Variants in GALNT13 observed in about 807,000 individuals in gnomAD.
The protein encoded by GALNT13 is polypeptide N-acetylgalactosaminyltransferase 13, also known as UDP-GalNAc:polypeptide N-acetylgalactosaminyltransferase 13.
A neutral mutation model predicts 64.2 loss-of-function variants in GALNT13; 28 were observed. The ratio of observed to expected loss-of-function variants is 0.44; its 90% CI spans 0.32 to 0.60. The LOEUF (loss-of-function observed/expected upper bound fraction) is 0.60. Among genes scored for constraint, GALNT13 ranks in the 20% least tolerant of loss-of-function variants. GALNT13 has a pLI of 0.05. For missense variants in GALNT13, 577 were observed against 669.8 expected, an observed-to-expected ratio of 0.86 and a Z score of 1.53; for synonymous variants, 214 against 224.6, an observed-to-expected ratio of 0.95 and a Z score of 0.42.
intron 4 of GALNT13, among the ~76,000 whole-genome samples, chr2:154,147,527 A>G (rs1286384582): frequency 1.3e-5 from 2 of 151,876 alleles, no homozygotes; most frequent in African/African-American, 4.8e-5. Context: ...AATCAGGCTG[A>G]CACAGAAAGG....
the GALNT13 span, among the ~76,000 whole-genome samples, chr2:153,181,333 T>C: frequency 6.6e-6 from 1 of 150,562 alleles, no homozygotes; most frequent in Non-Finnish European, 1.5e-5. Flanking sequence ...TTATTATTAA[T>C]TTCTAGTTTC....
the GALNT13 span, among the ~76,000 whole-genome samples, chr2:153,772,460 C>G: frequency 2.6e-5 from 4 of 152,170 alleles, no homozygotes; most frequent in Non-Finnish European, 5.9e-5. Context: ...TGGTGCTTCT[C>G]TCACTTTTAT....
At chr2:153,884,785 A>ATGTG (rs1179176058) in intron 1 of GALNT13, among the ~76,000 whole-genome samples, 17 of 122,504 alleles carry the variant, frequency 1.4e-4, no homozygotes, top group African/African-American at 5.9e-4. Flanking sequence ...ATATATATAT[A>ATGTG]TGTGTGTGTA....
chr2:154,003,683 G>A (rs1696062397), intron 3 of GALNT13, among the ~76,000 whole-genome samples: 1 of 152,132 alleles, frequency 6.6e-6, no homozygotes. Flanking sequence ...TGGAGATTGG[G>A]CCTGGTGGCA....
chr2:153,994,549 C>G (rs1695389691), intron 3 of GALNT13, among the ~76,000 whole-genome samples: 1 of 152,146 alleles, frequency 6.6e-6, no homozygotes, highest in Non-Finnish European at 1.5e-5. Flanking sequence ...TAAAAGTGTT[C>G]CTATTCTTCC....
At chr2:153,647,525 C>T in the GALNT13 span, among the ~76,000 whole-genome samples, 1 of 152,144 alleles carries the variant, frequency 6.6e-6, no homozygotes, top group Non-Finnish European at 1.5e-5. Flanking sequence ...GTGTATTAAA[C>T]ATGAAGTCCT....
At chr2:153,493,278 T>C in the GALNT13 span, among the ~76,000 whole-genome samples, 1,422 of 152,072 alleles carry the variant, frequency 9.4e-3, 13 homozygotes, top group African/African-American at 0.033. Context: ...AGATGATCAC[T>C]GTTTCACAGA....
At chr2:154,270,794 G>A (rs1156558193) in intron 8 of GALNT13, among the ~76,000 whole-genome samples, 1 of 151,730 alleles carries the variant, frequency 6.6e-6, no homozygotes, top group African/African-American at 2.4e-5. Flanking sequence ...CCATGTTTTA[G>A]CAAACATCCA....
At chr2:153,771,051 G>A in the GALNT13 span, among the ~76,000 whole-genome samples, 67 of 152,286 alleles carry the variant, frequency 4.4e-4, no homozygotes, top group Admixed American at 1.0e-3. Flanking sequence ...GAACACCACT[G>A]CACTAACATC....
At chr2:154,289,278 T>C (rs1322646306) in intron 8 of GALNT13, among the ~76,000 whole-genome samples, 2 of 152,202 alleles carry the variant, frequency 1.3e-5, no homozygotes, top group African/African-American at 4.8e-5. Flanking sequence ...GGCTGGCCTA[T>C]GAAAAATTTT....
the GALNT13 span, among the ~76,000 whole-genome samples, chr2:153,852,977 G>C: frequency 2.6e-5 from 4 of 152,152 alleles, no homozygotes; most frequent in African/African-American, 9.7e-5. Context: ...GAGCAAGGAA[G>C]TCAGTGTGAG....
At chr2:154,415,866 G>T (rs1039410141) in intron 11 of GALNT13, among the ~76,000 whole-genome samples, 12 of 151,966 alleles carry the variant, frequency 7.9e-5, no homozygotes, top group African/African-American at 2.4e-4. Context: ...TACTAATTTG[G>T]TCCCTTTTTA....
the GALNT13 span, among the ~76,000 whole-genome samples, chr2:153,125,805 G>C: frequency 6.6e-6 from 1 of 152,086 alleles, no homozygotes; most frequent in South Asian, 2.1e-4. Context: ...TGGCATTATT[G>C]AACTTAGAAT....
At chr2:153,876,551 A>G (rs1340823835) in intron 1 of GALNT13, among the ~76,000 whole-genome samples, 1 of 152,122 alleles carries the variant, frequency 6.6e-6, no homozygotes, top group Non-Finnish European at 1.5e-5. Context: ...TGTAAACCAA[A>G]CAGACTTTAA....
At chr2:153,732,491 GA>G in the GALNT13 span, among the ~76,000 whole-genome samples, 1 of 151,944 alleles carries the variant, frequency 6.6e-6, no homozygotes, top group African/African-American at 2.4e-5. Flanking sequence ...AATTTTTGGA[GA>G]GACCAGATAG....
the GALNT13 span, among the ~76,000 whole-genome samples, chr2:153,506,937 C>T: frequency 1.3e-5 from 2 of 152,188 alleles, no homozygotes; most frequent in Non-Finnish European, 2.9e-5. Flanking sequence ...AACATGTTTT[C>T]CAGACTTTTA....
chr2:154,019,561 G>T (rs559268689), intron 3 of GALNT13, among the ~76,000 whole-genome samples: 11 of 147,404 alleles, frequency 7.5e-5, no homozygotes, highest in African/African-American at 2.8e-4. Context: ...AATGAGCCAA[G>T]ACTGCGCCAC....
chr2:154,250,332 A>G (rs1266311970), intron 7 of GALNT13, among the ~76,000 whole-genome samples: 5 of 152,066 alleles, frequency 3.3e-5, no homozygotes, highest in African/African-American at 1.2e-4. Flanking sequence ...CAATTTCTCT[A>G]CAATGTAAAT....
At chr2:153,826,838 A>C in the GALNT13 span, among the ~76,000 whole-genome samples, 1 of 152,280 alleles carries the variant, frequency 6.6e-6, no homozygotes, top group East Asian at 1.9e-4. Flanking sequence ...TTGGGGATAC[A>C]GAAGAGTGCC....
Sources: gnomAD v4.1 joint callset for allele counts (sites outside exome capture counted in the v4.1 genomes callset) on GRCh38, gnomAD v4.1.1 for gene constraint, MANE v1.5 for transcripts, NCBI Gene and HGNC (gene_info 2026-07-23, HGNC 2026-07-21) for gene names.